DNAH12: variants seen among roughly 807,000 people sequenced by gnomAD.
DNAH12 encodes the protein dynein axonemal heavy chain 12.
In DNAH12, 285 loss-of-function variants were observed where a neutral mutation model predicts 371.5. The observed-to-expected ratio is 0.77, with a 90% confidence interval of 0.70 to 0.85. DNAH12 has a LOEUF of 0.85. DNAH12 is among the 40% of genes least tolerant of loss of function. The probability of loss-of-function intolerance (pLI) is 0.00; values close to 1 mark genes in which losing one functional copy is unlikely to be tolerated. For synonymous variants in DNAH12, 1,200 were observed against 1,213.0 expected, an observed-to-expected ratio of 0.99 and a Z score of 0.22; for missense variants, 3,611 against 3,689.4, an observed-to-expected ratio of 0.98 and a Z score of 0.55.
chr3:57,318,653 G>A (rs899538357), intron 65 of DNAH12, among the ~76,000 whole-genome samples: 2 of 151,500 alleles, frequency 1.3e-5, no homozygotes, highest in South Asian at 2.1e-4. Context: ...TTCAGGTTTT[G>A]TATTTTTGTA....
chr3:57,414,810 G>C (rs1038557313), intron 38 of DNAH12, among the ~76,000 whole-genome samples: 2 of 152,158 alleles, frequency 1.3e-5, no homozygotes, highest in Non-Finnish European at 2.9e-5. Context: ...GTAAGATTTT[G>C]AAGTTCAGTG....
At chr3:57,340,976 G>C (rs2062380156) in intron 60 of DNAH12, among the ~76,000 whole-genome samples, 1 of 152,118 alleles carries the variant, frequency 6.6e-6, no homozygotes, top group African/African-American at 2.4e-5. Flanking sequence ...GGGATGCAAG[G>C]ATTATTCAAC....
chr3:57,498,824 C>T (rs2067405406), intron 11 of DNAH12, among the ~76,000 whole-genome samples: 1 of 151,920 alleles, frequency 6.6e-6, no homozygotes, highest in Non-Finnish European at 1.5e-5. Flanking sequence ...ATGGTGAAAC[C>T]CCATCTCTAC....
At chr3:57,436,914 A>T in intron 30 of DNAH12, 37 bp downstream of exon 30, 1 of 1,282,284 alleles carries the variant, frequency 7.8e-7, no homozygotes, top group Non-Finnish European at 1.0e-6. Flanking sequence ...AGCTTAATTA[A>T]GAAATAACAT....
Position 57,415,635 on chromosome 3 carries a change from G to A in DNAH12, c.5715-71C>T, listed in dbSNP as rs141042583. 1.5e-4 allele frequency: 211 copies of A among 1,421,344 alleles called. No individual in the cohort carries two copies. In the East Asian group the frequency reaches 3.0e-3, roughly 20 times the overall value. 88.0% of individuals were successfully genotyped at this position (1,421,344 alleles called of 1,614,324 possible). On this transcript the variant is annotated intron_variant, in intron 37 of 73. Coordinates refer to ENST00000495027, the MANE Select transcript of DNAH12 (RefSeq NM_001366028.2). The stretch of plus-strand genomic sequence containing the variant: ...AGAATACATTTCTACTAAAGGAGGC[G>A]GTAGTTAAAAGTGTACATAAGAATC...
intron 2 of DNAH12, among the ~76,000 whole-genome samples, chr3:57,536,881 C>T (rs1360283976): frequency 3.9e-5 from 3 of 77,736 alleles, no homozygotes; most frequent in African/African-American, 9.9e-5. Flanking sequence ...TACAAGTGAG[C>T]CTTTTCACTA....
chr3:57,516,800 C>G (rs1200603242), intron 4 of DNAH12, among the ~76,000 whole-genome samples: 1 of 152,044 alleles, frequency 6.6e-6, no homozygotes, highest in African/African-American at 2.4e-5. Flanking sequence ...GTCAAAGTGA[C>G]TTTTTATCAT....
At chr3:57,451,170 A>C (rs1032230718) in intron 25 of DNAH12, among the ~76,000 whole-genome samples, 1 of 152,214 alleles carries the variant, frequency 6.6e-6, no homozygotes, top group Non-Finnish European at 1.5e-5. Flanking sequence ...AATCCTTTGC[A>C]CAAGAATTGC....
intron 4 of DNAH12, among the ~76,000 whole-genome samples, chr3:57,517,196 C>T (rs922491772): frequency 2.0e-5 from 3 of 152,118 alleles, no homozygotes; most frequent in Admixed American, 1.3e-4. Context: ...TCACTATCTA[C>T]CATATTACCC....
chr3:57,555,415 T>C, the DNAH12 span, among the ~76,000 whole-genome samples: 1 of 152,094 alleles, frequency 6.6e-6, no homozygotes, highest in South Asian at 2.1e-4. Flanking sequence ...TGGGTGGCTC[T>C]TGCCTGTTTG....
Position 57,504,011 on chromosome 3 carries a change from A to G in DNAH12, c.1086+5T>C. On this transcript the variant is annotated splice_donor_5th_base_variant and intron_variant, in intron 9 of 73. Coordinates refer to ENST00000495027, the MANE Select transcript of DNAH12 (RefSeq NM_001366028.2). ...ATTCTTTCCCGATGGGTAAAGATGT[A>G]ATACCTGCAGAGCTTCGGCTATTCG... is the stretch of plus-strand genomic sequence containing the variant. 6.2e-7 allele frequency: 1 copy of G among 1,608,814 alleles called. No homozygotes were observed. Among genetic ancestry groups the G allele is most frequent in the South Asian group, 1.1e-5 (1 of 90,728 alleles).
At chr3:57,419,316 T>G (rs2064490939) in intron 37 of DNAH12, 51 bp downstream of exon 37, 1 of 1,451,408 alleles carries the variant, frequency 6.9e-7, no homozygotes, top group Non-Finnish European at 9.0e-7. Flanking sequence ...ATAATCCTAT[T>G]AAAATGGTAC....
At chr3:57,377,835 A>C (rs2063312399) in intron 52 of DNAH12, among the ~76,000 whole-genome samples, 1 of 152,170 alleles carries the variant, frequency 6.6e-6, no homozygotes, top group Non-Finnish European at 1.5e-5. Flanking sequence ...TCAAGAATGC[A>C]GTTTGGCCAA....
intron 25 of DNAH12, among the ~76,000 whole-genome samples, chr3:57,449,807 G>A (rs1329835706): frequency 5.9e-5 from 9 of 152,336 alleles, no homozygotes; most frequent in East Asian, 1.9e-4. Flanking sequence ...GTGCAGCGGC[G>A]GGCCGAAGGG....
intron 67 of DNAH12, 46 bp from the exon 68 acceptor site, chr3:57,309,900 TGA>T (rs1302193137): frequency 1.3e-6 from 2 of 1,495,136 alleles, no homozygotes; most frequent in Non-Finnish European, 1.8e-6. Flanking sequence ...CCCTGGATAC[TGA>T]AAGGGATGAT....
At chr3:57,519,614 T>C in intron 4 of DNAH12, 1 of 1,040,160 alleles carries the variant, frequency 9.6e-7, no homozygotes, top group Non-Finnish European at 1.5e-6. Flanking sequence ...GGGCACTTGA[T>C]AACAAGATCC....
At position 57,317,821 on chromosome 3, in the gene DNAH12, A is replaced by G. The variant is rs1160743542; in HGVS notation, c.10525-3190T>C. 4.4e-4 allele frequency among the ~76,000 whole-genome samples: 67 copies of G among 152,064 alleles called. 1 individual carries two copies. The highest frequency in any genetic ancestry group is 5.9e-5 in the Non-Finnish European group (4 of 67,964). ...GAGGGCTCCAATTTTGTCCTTGCTA[A>G]TACATGCTGGTTTTTGTTTTTTTGA... On this transcript the variant is annotated intron_variant, in intron 65 of 73. Transcript: ENST00000495027.
intron 62 of DNAH12, among the ~76,000 whole-genome samples, chr3:57,327,614 T>C (rs2061982336): frequency 6.6e-6 from 1 of 150,776 alleles, no homozygotes; most frequent in Non-Finnish European, 1.5e-5. Flanking sequence ...GCAGGAAAGA[T>C]CTAAAATTGA....
At position 57,468,525 on chromosome 3, in the gene DNAH12, G is replaced by A. The variant is rs1034517922; in HGVS notation, c.2349+211C>T. On this transcript the variant is annotated intron_variant, in intron 17 of 73. Transcript: ENST00000495027. ...AGCTACTCAGGAGGCTGAGGTGGGA[G>A]GATCGCTTGAGCCCAGGAGGTGGCA... 25 of 257,962 alleles carry A rather than the reference G, an allele frequency of 9.7e-5. No homozygotes were observed. In the East Asian group the frequency reaches 1.7e-3, roughly 18 times the overall value. 16.0% of individuals were successfully genotyped at this position (257,962 alleles called of 1,614,324 possible).
Sources: gnomAD v4.1 joint callset for allele counts (sites outside exome capture counted in the v4.1 genomes callset) on GRCh38, gnomAD v4.1.1 for gene constraint, MANE v1.5 for transcripts, NCBI Gene and HGNC (gene_info 2026-07-23, HGNC 2026-07-21) for gene names.